The following CFH variants were observed in gnomAD, a reference collection of about 807,000 sequenced individuals.
The protein encoded by CFH is H factor 1 (complement).
Under a neutral mutation model 147.3 loss-of-function variants are expected in CFH, and 53 were observed. The observed-to-expected ratio is 0.36, with a 90% CI of 0.29 to 0.45. The LOEUF (loss-of-function observed/expected upper bound fraction) is 0.45, where lower values mean the gene tolerates loss of function less well. Ranked by LOEUF, CFH falls within the 20% of genes least tolerant of loss-of-function variation. CFH has a pLI of 1.00. For synonymous variants in CFH, 536 were observed against 489.4 expected, an observed-to-expected ratio of 1.10 and a Z score of -1.26; for missense variants, 1,380 against 1,498.0, an observed-to-expected ratio of 0.92 and a Z score of 1.30.
intron 17 of CFH, among the ~76,000 whole-genome samples, chr1:196,739,671 G>T (rs539498718): frequency 6.6e-6 from 1 of 152,064 alleles, no homozygotes; most frequent in African/African-American, 2.4e-5. Flanking sequence ...CTTCTGAGCC[G>T]TCCAACTCCC....
chr1:196,712,367 A>G (rs918822323), intron 9 of CFH, among the ~76,000 whole-genome samples: 2 of 151,292 alleles, frequency 1.3e-5, no homozygotes, highest in Admixed American at 1.3e-4. Flanking sequence ...ATAATTTATT[A>G]TAAATAATAA....
intron 6 of CFH, 101 bp from the exon 7 acceptor site, chr1:196,684,963 T>G (rs1258646132): frequency 1.1e-6 from 1 of 902,050 alleles, no homozygotes; most frequent in Non-Finnish European, 1.8e-6. Context: ...TGTATTATGC[T>G]AAGGACAAAT....
chr1:196,655,022 T>C (rs749294106), intron 1 of CFH, among the ~76,000 whole-genome samples: 61 of 152,180 alleles, frequency 4.0e-4, no homozygotes, highest in Admixed American at 9.8e-4. Flanking sequence ...CCTCCTAAAA[T>C]ACTTTACGTG....
chr1:196,732,978 T>A (rs1669314281), intron 15 of CFH, among the ~76,000 whole-genome samples: 1 of 152,044 alleles, frequency 6.6e-6, no homozygotes, highest in African/African-American at 2.4e-5. Flanking sequence ...TATTACCAGC[T>A]TTTTGTATTC....
At chr1:196,732,674 C>T (rs990786953) in intron 15 of CFH, among the ~76,000 whole-genome samples, 5 of 152,004 alleles carry the variant, frequency 3.3e-5, no homozygotes, top group African/African-American at 7.2e-5. Context: ...AGTCTTTGTG[C>T]GGACTGCTGT....
chr1:196,736,439 A>G (rs1189083992), intron 15 of CFH, among the ~76,000 whole-genome samples: 1 of 152,092 alleles, frequency 6.6e-6, no homozygotes, highest in Non-Finnish European at 1.5e-5. Context: ...ACATTTGATT[A>G]TAGATATCAA....
chr1:196,717,073 A>G lies in CFH; in HGVS notation c.1696+1304A>G, dbSNP rs553825529. On this transcript the variant is annotated intron_variant, in intron 11 of 21. Coordinates refer to ENST00000367429, the MANE Select transcript of CFH (RefSeq NM_000186.4). ...GCAATAGATAGTAAAGAAAATGGGG[A>G]AAAAAGGAGGACCCAGAGAAACAGG... Among the ~76,000 whole-genome samples, 13 of 152,198 alleles carry G rather than the reference A, an allele frequency of 8.5e-5. No individual in the cohort carries two copies. The South Asian group carries it at 2.1e-3, about 24-fold the overall frequency.
At chr1:196,720,282 T>C (rs1668968757) in intron 11 of CFH, among the ~76,000 whole-genome samples, 1 of 152,052 alleles carries the variant, frequency 6.6e-6, no homozygotes. Flanking sequence ...TTTAAAATTT[T>C]AATTTCTATG....
chr1:196,736,841 T>C lies in CFH; in HGVS notation c.2431T>C (p.Cys811Arg). The change falls in exon 16 of 22, where the codon TGC becomes CGC. Residue 811 changes from cysteine (C) to arginine (R), a missense_variant. By Grantham distance (180) the Cys-to-Arg change is radical. Transcript: ENST00000367429. Reference sequence around the variant, plus strand: ...TTTTTTAGTGGCACAAATACAATTATGCCCACCTCCACCTCAGATTCCCAA... The same window carrying C: ...TTTTTTAGTGGCACAAATACAATTACGCCCACCTCCACCTCAGATTCCCAA... The part of the protein sequence containing the change: ...VNCSMAQIQL[C>R]PPPPQIPNSH... 2 of 1,504,270 alleles carry C rather than the reference T, an allele frequency of 1.3e-6. No homozygotes were observed. Among genetic ancestry groups the C allele is most frequent in the Non-Finnish European group, 1.8e-6 (2 of 1,119,920 alleles). 93.2% of individuals were successfully genotyped at this position (1,504,270 alleles called of 1,614,324 possible).
chr1:196,732,056 AT>A (rs1558181271), intron 15 of CFH, among the ~76,000 whole-genome samples: 1 of 151,700 alleles, frequency 6.6e-6, no homozygotes, highest in Admixed American at 6.6e-5. Flanking sequence ...TTCTGTCATT[AT>A]TTTTTTGAAT....
chr1:196,743,535 G>A lies in CFH; in HGVS notation c.3217G>A (p.Val1073Ile). ...QMSKYPSGER[V>I]RYQCRSPYEM... is the part of the protein sequence containing the mutation. ...GAGTAAATATCCATCTGGTGAGAGA[G>A]TACGTTATCAATGTAGGAGCCCTTA... is the stretch of plus-strand genomic sequence containing the variant. Residue 1073 changes from valine to isoleucine, a missense_variant, in exon 20 of 22, where the codon GTA becomes ATA. By Grantham distance (29) the Val-to-Ile change is conservative (BLOSUM62 3). This residue lies in a region of CFH where 830 missense variants were observed against 821.4 expected (regional missense o/e 1.01). Transcript: ENST00000367429. 6.2e-7 allele frequency: 1 copy of A among 1,614,048 alleles called. No individual in the cohort carries two copies. Among genetic ancestry groups the A allele is most frequent in the Non-Finnish European group, 8.5e-7 (1 of 1,179,942 alleles).
chr1:196,658,421 T>TTTC (rs1352428394), intron 1 of CFH, among the ~76,000 whole-genome samples: 1 of 136,320 alleles, frequency 7.3e-6, no homozygotes, highest in African/African-American at 2.9e-5. Context: ...TTTTTTTTTT[T>TTTC]TTTTTTTTGA....
At chr1:196,714,666 T>TAGAGAG (rs1668817031) in intron 10 of CFH, among the ~76,000 whole-genome samples, 4 of 28,352 alleles carry the variant, frequency 1.4e-4, no homozygotes, top group South Asian at 2.2e-3. Flanking sequence ...TATATATATA[T>TAGAGAG]ATAGAGAGAG....
chr1:196,741,490 T>A (rs1408882347), intron 18 of CFH: 3 of 265,348 alleles, frequency 1.1e-5, no homozygotes. Context: ...GCCACCATGA[T>A]CCAATCACTT....
chr1:196,718,503 G>A (rs1006471708), intron 11 of CFH, among the ~76,000 whole-genome samples: 3 of 152,066 alleles, frequency 2.0e-5, no homozygotes, highest in Admixed American at 1.3e-4. Flanking sequence ...TAGTGGAGGA[G>A]AGAGACATTT....
chr1:196,680,459 G>A (rs1667610994), intron 6 of CFH, among the ~76,000 whole-genome samples: 1 of 151,826 alleles, frequency 6.6e-6, no homozygotes, highest in African/African-American at 2.4e-5. Context: ...AAACGGGAAA[G>A]TTTCAAACTA....
intron 9 of CFH, among the ~76,000 whole-genome samples, chr1:196,702,653 G>T (rs568933355): frequency 2.6e-4 from 40 of 152,146 alleles, no homozygotes; most frequent in Admixed American, 7.2e-4. Context: ...AACAAAGAAT[G>T]GTTTTAGAAA....
intron 9 of CFH, 181 bp downstream of exon 9, chr1:196,690,420 G>A (rs141775902): frequency 1.2e-6 from 1 of 809,336 alleles, no homozygotes; most frequent in East Asian, 2.7e-5. Context: ...TTCTTGATAA[G>A]TACATAGTAA....
At chr1:196,726,349 C>A in intron 12 of CFH, 121 bp from the exon 13 acceptor site, 1 of 752,254 alleles carries the variant, frequency 1.3e-6, no homozygotes, top group Non-Finnish European at 2.2e-6. Context: ...GTTTAGGATG[C>A]TATAATAAGT....
Sources: gnomAD v4.1 joint callset for allele counts (sites outside exome capture counted in the v4.1 genomes callset) on GRCh38, gnomAD v4.1.1 for gene constraint, gnomAD v4.1.1 regional missense constraint, MANE v1.5 for transcripts, NCBI Gene and HGNC (gene_info 2026-07-23, HGNC 2026-07-21) for gene names.